The following SLC14A2 variants were observed in gnomAD, a reference collection of about 807,000 sequenced individuals.
SLC14A2 encodes solute carrier family 14 member 2.
A neutral mutation model predicts 104.6 loss-of-function variants in SLC14A2; 91 were observed. That is an observed-to-expected ratio of 0.87 (90% CI 0.73 to 1.04). The LOEUF is 1.04. Among genes scored for constraint, SLC14A2 ranks in the 50% least tolerant of loss-of-function variants. The pLI is 0.00. For synonymous variants in SLC14A2, 476 were observed against 466.4 expected (o/e 1.02, Z -0.27); for missense variants, 1,189 against 1,156.0 (o/e 1.03, Z -0.41).
intron 1 of SLC14A2, among the ~76,000 whole-genome samples, chr18:45,352,886 G>C (rs966709165): frequency 1.4e-4 from 22 of 152,160 alleles, no homozygotes; most frequent in Non-Finnish European, 2.6e-4. Context: ...GCATCCCCCA[G>C]AATCACAGCA....
chr18:45,356,308 AG>A (rs1174334330), intron 1 of SLC14A2, among the ~76,000 whole-genome samples: 5 of 152,220 alleles, frequency 3.3e-5, no homozygotes, highest in Admixed American at 1.3e-4. Context: ...GATATAGAAC[AG>A]CCTTGTTTTC....
intron 1 of SLC14A2, among the ~76,000 whole-genome samples, chr18:45,449,813 T>A (rs2144608257): frequency 6.6e-6 from 1 of 152,324 alleles, no homozygotes. Context: ...CGTGTGGGCT[T>A]ATAAACTGAA....
At chr18:45,572,529 A>G (rs2044362256) in intron 2 of SLC14A2, among the ~76,000 whole-genome samples, 1 of 152,194 alleles carries the variant, frequency 6.6e-6, no homozygotes, top group African/African-American at 2.4e-5. Context: ...CCCATTTTAG[A>G]CTGCCATGTT....
intron 2 of SLC14A2, among the ~76,000 whole-genome samples, chr18:45,555,171 A>C (rs2044113868): frequency 6.6e-6 from 1 of 152,202 alleles, no homozygotes; most frequent in African/African-American, 2.4e-5. Flanking sequence ...GAGACCAGTG[A>C]TTCTCAGTTG....
At chr18:45,613,964 C>T (rs566113973), upstream of SLC14A2, among the ~76,000 whole-genome samples, 4 of 152,324 alleles carry the variant, frequency 2.6e-5, no homozygotes, top group Admixed American at 6.5e-5. Flanking sequence ...AAATGTTAAT[C>T]GCCAAGACAA....
At chr18:45,308,565 T>C (rs1263213062) in intron 1 of SLC14A2, among the ~76,000 whole-genome samples, 1 of 152,164 alleles carries the variant, frequency 6.6e-6, no homozygotes, top group African/African-American at 2.4e-5. Flanking sequence ...AGCCACTCGC[T>C]TTCCTCCCCT....
In SLC14A2 at chr18:45,434,953, G is replaced by T. The variant is rs577718636; in HGVS notation, c.-124-48280G>T. Among the ~76,000 whole-genome samples, 70 of 152,260 alleles carry T rather than the reference G, an allele frequency of 4.6e-4. 1 individual carries two copies. In the South Asian group the frequency reaches 9.9e-3, roughly 22 times the overall value. On this transcript the variant is annotated intron_variant, in intron 1 of 20. Coordinates refer to the SLC14A2 transcript ENST00000586448. ...GTTTATTGGTTTTTTCCAATGGAAG[G>T]TTGCCTGTTTGGTATTTGAATAATA...
At chr18:45,376,897 C>T (rs1207478906) in intron 1 of SLC14A2, among the ~76,000 whole-genome samples, 2 of 152,166 alleles carry the variant, frequency 1.3e-5, no homozygotes, top group Admixed American at 1.3e-4. Context: ...CTTTTCACCT[C>T]TTACTTTCTA....
At chr18:45,259,233 A>AG (rs993612770) in intron 1 of SLC14A2, among the ~76,000 whole-genome samples, 3 of 152,364 alleles carry the variant, frequency 2.0e-5, no homozygotes, top group Non-Finnish European at 4.4e-5. Flanking sequence ...TTTTAGGGTT[A>AG]GGACAGCAAT....
intron 1 of SLC14A2, among the ~76,000 whole-genome samples, chr18:45,331,703 A>AG (rs2085292951): frequency 6.6e-6 from 1 of 152,116 alleles, no homozygotes; most frequent in Non-Finnish European, 1.5e-5. Context: ...AAAAAAAAAA[A>AG]AAAATTAATC....
intron 2 of SLC14A2, among the ~76,000 whole-genome samples, chr18:45,486,385 G>T (rs1349888762): frequency 4.6e-5 from 7 of 151,564 alleles, no homozygotes; most frequent in African/African-American, 1.7e-4. Flanking sequence ...AATCTGAAAA[G>T]TGGTGGATTT....
the SLC14A2 span, among the ~76,000 whole-genome samples, chr18:45,194,792 C>T: frequency 1.3e-5 from 2 of 151,670 alleles, no homozygotes; most frequent in South Asian, 2.1e-4. Flanking sequence ...ACTACAGGCA[C>T]CTGCCATCAT....
chr18:45,574,841 CA>C (rs1004182685), intron 2 of SLC14A2, among the ~76,000 whole-genome samples: 75 of 152,226 alleles, frequency 4.9e-4, no homozygotes, highest in African/African-American at 1.8e-3. Flanking sequence ...CTCCATCCTA[CA>C]TTTTATGAGA....
intron 2 of SLC14A2, among the ~76,000 whole-genome samples, chr18:45,531,976 C>A (rs545669451): frequency 6.2e-4 from 94 of 152,156 alleles, no homozygotes; most frequent in Admixed American, 7.2e-4. Flanking sequence ...CCCATTTCTT[C>A]TTTTTGTCAG....
At chr18:45,296,135 A>G (rs2084916139) in intron 1 of SLC14A2, among the ~76,000 whole-genome samples, 1 of 152,202 alleles carries the variant, frequency 6.6e-6, no homozygotes, top group Non-Finnish European at 1.5e-5. Flanking sequence ...CAGACATGCA[A>G]TTCAGCAAAT....
chr18:45,544,670 G>A (rs1244519059), intron 2 of SLC14A2, among the ~76,000 whole-genome samples: 1 of 150,616 alleles, frequency 6.6e-6, no homozygotes, highest in Non-Finnish European at 1.5e-5. Context: ...AGTCATCTTG[G>A]TATCCATAAA....
chr18:45,504,917 A>G (rs1365127061), intron 2 of SLC14A2, among the ~76,000 whole-genome samples: 1 of 152,206 alleles, frequency 6.6e-6, no homozygotes, highest in East Asian at 1.9e-4. Flanking sequence ...TTCATTTATC[A>G]GAATAAGGCA....
At chr18:45,362,400 C>G (rs935991033) in intron 1 of SLC14A2, among the ~76,000 whole-genome samples, 2 of 152,216 alleles carry the variant, frequency 1.3e-5, no homozygotes, top group African/African-American at 4.8e-5. Flanking sequence ...GCCCCCACCC[C>G]ACTTCCAAAC....
At chr18:45,368,462 T>G (rs891518455) in intron 1 of SLC14A2, among the ~76,000 whole-genome samples, 1 of 152,168 alleles carries the variant, frequency 6.6e-6, no homozygotes, top group East Asian at 1.9e-4. Flanking sequence ...GAGACTGAGA[T>G]GTGGCTGGAG....
Sources: gnomAD v4.1 joint callset for allele counts (sites outside exome capture counted in the v4.1 genomes callset) on GRCh38, gnomAD v4.1.1 for gene constraint, MANE v1.5 for transcripts, NCBI Gene and HGNC (gene_info 2026-07-23, HGNC 2026-07-21) for gene names.